EDA: variants seen among roughly 807,000 people sequenced by gnomAD.
The protein encoded by EDA is ectodysplasin A.
A neutral mutation model predicts 23.6 loss-of-function variants in EDA; 2 were observed. That is an observed-to-expected ratio of 0.08 (90% confidence interval 0.03 to 0.27). The LOEUF (loss-of-function observed/expected upper bound fraction) is 0.27, where lower values mean the gene tolerates loss of function less well. Ranked by LOEUF, EDA falls within the 10% of genes least tolerant of loss-of-function variation. The pLI, the probability that EDA is intolerant of heterozygous loss-of-function variation, is 1.00. For missense variants in EDA, 229 were observed against 324.2 expected (o/e 0.71, Z 2.26); for synonymous variants, 131 against 132.0 (o/e 0.99, Z 0.05).
chrX:69,827,688 C>A (rs1050634555), intron 1 of EDA, among the ~76,000 whole-genome samples: 3 of 112,164 alleles, frequency 2.7e-5, no homozygotes, highest in Non-Finnish European at 3.8e-5. Flanking sequence ...CTGAAGCCTT[C>A]TTCTCTCAGC....
intron 1 of EDA, among the ~76,000 whole-genome samples, chrX:69,693,514 A>G (rs1344342937): frequency 1.8e-5 from 2 of 111,846 alleles, no homozygotes; most frequent in Admixed American, 1.9e-4. Context: ...CAGCTCTCTG[A>G]CACAATACCT....
At chrX:69,908,091 C>A (rs770038497) in intron 1 of EDA, among the ~76,000 whole-genome samples, 15 of 111,531 alleles carry the variant, frequency 1.3e-4, no homozygotes, top group Non-Finnish European at 2.8e-4. Flanking sequence ...TTACTCCCAG[C>A]ATAATTCTAA....
chrX:70,001,765 G>A (rs2019744077), intron 2 of EDA, among the ~76,000 whole-genome samples: 1 of 112,281 alleles, frequency 8.9e-6, no homozygotes, highest in African/African-American at 3.2e-5. Flanking sequence ...ACTTTCCAAA[G>A]CTGTTTTTGC....
intron 2 of EDA, among the ~76,000 whole-genome samples, chrX:69,960,384 A>G (rs1332555547): frequency 9.0e-6 from 1 of 111,577 alleles, no homozygotes; most frequent in Non-Finnish European, 1.9e-5. Flanking sequence ...AAACAGGTAG[A>G]ATTGCCATTT....
intron 1 of EDA, among the ~76,000 whole-genome samples, chrX:69,825,259 T>A (rs1430680547): frequency 4.4e-5 from 4 of 91,005 alleles, no homozygotes; most frequent in Admixed American, 2.5e-4. Context: ...ATTGGAATAG[T>A]TTCAGAAGGA....
chrX:69,621,547 A>G (rs1160800714), intron 1 of EDA, among the ~76,000 whole-genome samples: 1 of 111,793 alleles, frequency 8.9e-6, no homozygotes, highest in Non-Finnish European at 1.9e-5. Flanking sequence ...TTCTGACATC[A>G]TAGATTAGTT....
intron 2 of EDA, among the ~76,000 whole-genome samples, chrX:69,966,712 A>G (rs1427000608): frequency 9.1e-6 from 1 of 110,418 alleles, no homozygotes; most frequent in African/African-American, 3.3e-5. Context: ...ACTACGACAT[A>G]GACATACTAT....
intron 1 of EDA, among the ~76,000 whole-genome samples, chrX:69,878,719 C>CAG (rs2017687940): frequency 1.5e-5 from 1 of 66,623 alleles, no homozygotes; most frequent in East Asian, 5.2e-4. Flanking sequence ...CACCAAGACA[C>CAG]ACACACACAC....
At chrX:69,840,858 A>AAG (rs1353386330) in intron 1 of EDA, among the ~76,000 whole-genome samples, 5 of 111,713 alleles carry the variant, frequency 4.5e-5, no homozygotes, top group Non-Finnish European at 1.9e-5. Flanking sequence ...CACATGTCAG[A>AAG]AGGCAGGTCA....
chrX:69,879,904 A>G (rs2017717569), intron 1 of EDA, among the ~76,000 whole-genome samples: 1 of 111,878 alleles, frequency 8.9e-6, no homozygotes, highest in Admixed American at 9.5e-5. Context: ...AACTCTCCCC[A>G]TGTGTTGGTA....
chrX:69,702,355 G>A (rs773515125), intron 1 of EDA, among the ~76,000 whole-genome samples: 19 of 110,854 alleles, frequency 1.7e-4, no homozygotes, highest in Non-Finnish European at 3.4e-4. Flanking sequence ...AAGGTGGCAG[G>A]ATGGGTTTAC....
intron 1 of EDA, among the ~76,000 whole-genome samples, chrX:69,953,111 T>C (rs2018951611): frequency 8.9e-6 from 1 of 112,116 alleles, no homozygotes; most frequent in South Asian, 3.7e-4. Context: ...ATATGCATCT[T>C]ACTTATTGGA....
intron 2 of EDA, among the ~76,000 whole-genome samples, chrX:70,013,640 CA>C (rs2019906852): frequency 9.0e-6 from 1 of 111,297 alleles, no homozygotes; most frequent in African/African-American, 3.3e-5. Flanking sequence ...CTTCACCAAG[CA>C]GGGCCCCAGC....
intron 1 of EDA, among the ~76,000 whole-genome samples, chrX:69,850,599 T>A (rs2017105326): frequency 8.9e-6 from 1 of 112,297 alleles, no homozygotes; most frequent in South Asian, 3.7e-4. Context: ...TTTCACTACC[T>A]ACAGTCTCAT....
In EDA at chrX:69,941,809, G is replaced by T. The variant is rs370737249; in HGVS notation, c.397-15218G>T. Among the ~76,000 whole-genome samples, 6 of 110,992 alleles carry T rather than the reference G, an allele frequency of 5.4e-5. No individual in the cohort carries two copies. The East Asian group carries it at 1.7e-3, about 31-fold the overall frequency. ...TATTGATAAGTAAAGATTTACTCCT[G>T]CCATTTTATTACTTGTTTTATATTT... On this transcript the variant is annotated intron_variant, in intron 1 of 7. Coordinates refer to ENST00000374552, the MANE Select transcript of EDA (RefSeq NM_001399.5).
At chrX:69,913,859 G>C (rs1422592177) in intron 1 of EDA, among the ~76,000 whole-genome samples, 1 of 111,621 alleles carries the variant, frequency 9.0e-6, no homozygotes, top group Non-Finnish European at 1.9e-5. Context: ...TTTCAATGTT[G>C]TTGTGTCTCT....
At chrX:69,636,163 C>T (rs924192856) in intron 1 of EDA, among the ~76,000 whole-genome samples, 3 of 110,606 alleles carry the variant, frequency 2.7e-5, no homozygotes, top group African/African-American at 9.9e-5. Context: ...GTCATGGGGG[C>T]AGATCCCTCA....
chrX:69,717,921 G>A (rs1400901702), intron 1 of EDA, among the ~76,000 whole-genome samples: 1 of 111,504 alleles, frequency 9.0e-6, no homozygotes, highest in African/African-American at 3.3e-5. Flanking sequence ...TTATGTGATA[G>A]TGAGTTATCA....
chrX:70,028,751 T>C (rs1047147626), intron 4 of EDA, among the ~76,000 whole-genome samples: 2 of 113,088 alleles, frequency 1.8e-5, no homozygotes, highest in African/African-American at 3.2e-5. Flanking sequence ...TGAATGCAGA[T>C]CCAAACCTGC....
Sources: allele counts gnomAD v4.1 joint callset (sites outside exome capture counted in the v4.1 genomes callset), GRCh38; gene constraint gnomAD v4.1.1; transcripts MANE v1.5; gene names NCBI Gene and HGNC (gene_info 2026-07-23, HGNC 2026-07-21).